Variants in ARIH1 observed in about 807,000 individuals in gnomAD.
ARIH1 encodes the protein E3 ubiquitin-protein ligase ARIH1.
ARIH1 carries 8 observed loss-of-function variants against 85.0 expected under a neutral mutation model. That is an observed-to-expected ratio of 0.09 (90% CI 0.06 to 0.17). The LOEUF (loss-of-function observed/expected upper bound fraction) is 0.17. ARIH1 is among the 10% of genes least tolerant of loss of function. ARIH1 has a pLI of 1.00. For missense variants in ARIH1, 311 were observed against 718.1 expected, an observed-to-expected ratio of 0.43 and a Z score of 6.48; for synonymous variants, 238 against 253.6, an observed-to-expected ratio of 0.94 and a Z score of 0.59.
At position 72,570,397 on chromosome 15, in the gene ARIH1, C is replaced by T. The variant is rs578147055; in HGVS notation, c.1157+90C>T. ...ATTTCTACCTCATAGATATCACCATCTAACTTGCAAGCTAAATAAATACAT... is the reference window on the plus strand; with the variant it reads ...ATTTCTACCTCATAGATATCACCATTTAACTTGCAAGCTAAATAAATACAT... On this transcript the variant is annotated intron_variant, in intron 10 of 13. Transcript: ENST00000379887. The T allele has an allele frequency of 2.0e-6, 3 of 1,497,158 alleles. No homozygotes were observed. The South Asian group carries it at 3.7e-5, about 19-fold the overall frequency. 92.7% of individuals were successfully genotyped at this position (1,497,158 alleles called of 1,614,324 possible). A position where few individuals can be genotyped will look rare whatever the true frequency, so the allele number is the denominator to read the frequency against.
At chr15:72,559,091 C>T (rs1363066042) in intron 5 of ARIH1, among the ~76,000 whole-genome samples, 1 of 152,084 alleles carries the variant, frequency 6.6e-6, no homozygotes, top group Non-Finnish European at 1.5e-5. Flanking sequence ...CCAAAATCTG[C>T]GCATGCTCAT....
At chr15:72,485,118 A>G (rs1314207399) in intron 1 of ARIH1, among the ~76,000 whole-genome samples, 1 of 152,160 alleles carries the variant, frequency 6.6e-6, no homozygotes, top group South Asian at 2.1e-4. Flanking sequence ...GATTATAGCC[A>G]TTCTTGGCGT....
At chr15:72,515,575 AT>A (rs2063971461) in intron 1 of ARIH1, among the ~76,000 whole-genome samples, 1 of 152,150 alleles carries the variant, frequency 6.6e-6, no homozygotes, top group Non-Finnish European at 1.5e-5. Context: ...AAAGTTTAAG[AT>A]TTGTTTTAGT....
At chr15:72,479,504 G>T (rs1345405675) in intron 1 of ARIH1, among the ~76,000 whole-genome samples, 1 of 152,024 alleles carries the variant, frequency 6.6e-6, no homozygotes, top group African/African-American at 2.4e-5. Context: ...TGCCTCCTGG[G>T]TTCAAGCGAT....
intron 1 of ARIH1, among the ~76,000 whole-genome samples, chr15:72,480,481 G>A (rs776693786): frequency 6.6e-6 from 1 of 150,874 alleles, no homozygotes; most frequent in Non-Finnish European, 1.5e-5. Flanking sequence ...GGCTGGTCTC[G>A]AACTCCTGAC....
rs79580042 is a variant in ARIH1 at position 72,567,992 on chromosome 15, C to T, written c.1026+815C>T. 6.8e-3 allele frequency among the ~76,000 whole-genome samples: 1,038 copies of T among 152,218 alleles called. 9 individuals are homozygous for T. Among genetic ancestry groups the T allele is most frequent in the African/African-American group, 0.023 (963 of 41,530 alleles). ...GAAGTGTGTAAACAATGAAGGCCGA[C>T]GCAGGTTGTCTGTGTGTGTTTAAAT... is the stretch of plus-strand genomic sequence containing the variant. On this transcript the variant is annotated intron_variant, in intron 9 of 13. Transcript: ENST00000379887.
At chr15:72,548,803 A>T (rs2064140685) in intron 3 of ARIH1, among the ~76,000 whole-genome samples, 1 of 152,106 alleles carries the variant, frequency 6.6e-6, no homozygotes, top group African/African-American at 2.4e-5. Context: ...CTTTTTTATT[A>T]TATATATCTT....
In ARIH1 at chr15:72,555,420, C is replaced by T. The variant is rs1430058734; in HGVS notation, c.681+57C>T. On this transcript the variant is annotated intron_variant, in intron 4 of 13. Coordinates refer to ENST00000379887, the MANE Select transcript of ARIH1 (RefSeq NM_005744.5). ...TTGAATTTCCTATAGTGTTAAGACCCTTGCACAAATTTGCACAAATAAAAA... is the reference window on the plus strand; with the variant it reads ...TTGAATTTCCTATAGTGTTAAGACCTTTGCACAAATTTGCACAAATAAAAA... 4 of 1,278,542 alleles carry T rather than the reference C, an allele frequency of 3.1e-6. No homozygotes were observed. In the East Asian group the frequency reaches 7.1e-5, roughly 23 times the overall value. 79.2% of individuals were successfully genotyped at this position (1,278,542 alleles called of 1,614,324 possible).
chr15:72,573,278 C>T (rs775119264), intron 11 of ARIH1, among the ~76,000 whole-genome samples: 4 of 152,068 alleles, frequency 2.6e-5, no homozygotes, highest in African/African-American at 9.7e-5. Context: ...CTGGGAAATA[C>T]GGCCGGGCTT....
At chr15:72,479,079 G>T (rs549797592) in intron 1 of ARIH1, among the ~76,000 whole-genome samples, 1 of 152,028 alleles carries the variant, frequency 6.6e-6, no homozygotes, top group South Asian at 2.1e-4. Context: ...GGCCTCAAGC[G>T]CTCCTTGAAC....
intron 3 of ARIH1, among the ~76,000 whole-genome samples, chr15:72,552,132 G>C (rs946301756): frequency 2.0e-5 from 3 of 151,788 alleles, no homozygotes; most frequent in African/African-American, 7.3e-5. Context: ...ACATTCATAA[G>C]ATCACAAAGA....
chr15:72,506,980 TTATG>T (rs72006883), intron 1 of ARIH1, among the ~76,000 whole-genome samples: 3,893 of 150,076 alleles, frequency 0.026, 100 homozygotes, highest in African/African-American at 0.068. Flanking sequence ...GTGATTATTT[TTATG>T]TATGTATGTA....
At chr15:72,551,270 T>A (rs2064151590) in intron 3 of ARIH1, among the ~76,000 whole-genome samples, 1 of 152,110 alleles carries the variant, frequency 6.6e-6, no homozygotes, top group Admixed American at 6.6e-5. Flanking sequence ...ACTTGAATAT[T>A]TGAGATAGAA....
chr15:72,524,344 C>T (rs143201086), intron 2 of ARIH1, among the ~76,000 whole-genome samples: 2 of 150,560 alleles, frequency 1.3e-5, no homozygotes, highest in African/African-American at 4.9e-5. Context: ...CCTCCCGGTT[C>T]AAGCGATTAC....
rs1465183161 is a variant in ARIH1 at position 72,533,084 on chromosome 15, A to C, written c.444-11736A>C. Reference sequence around the variant, plus strand: ...GATTCTAGCCAGTAGAACATCAAAAAATGAAAACAAAATACAGTGTTGTAA... The same window carrying C: ...GATTCTAGCCAGTAGAACATCAAAACATGAAAACAAAATACAGTGTTGTAA... On this transcript the variant is annotated intron_variant, in intron 2 of 13. Coordinates refer to ENST00000379887, the MANE Select transcript of ARIH1 (RefSeq NM_005744.5). Among the ~76,000 whole-genome samples, 6 of 152,216 alleles carry C rather than the reference A, an allele frequency of 3.9e-5. No homozygotes were observed. In the East Asian group the frequency reaches 1.2e-3, roughly 29 times the overall value.
At chr15:72,517,290 G>T (rs2063979278) in intron 1 of ARIH1, among the ~76,000 whole-genome samples, 1 of 152,120 alleles carries the variant, frequency 6.6e-6, no homozygotes, top group South Asian at 2.1e-4. Flanking sequence ...TTTTAAAAGA[G>T]ACTGGGTCTA....
intron 1 of ARIH1, among the ~76,000 whole-genome samples, chr15:72,489,890 A>G (rs1056131164): frequency 9.9e-5 from 15 of 152,232 alleles, no homozygotes; most frequent in African/African-American, 3.1e-4. Context: ...CAAAGCAACC[A>G]GTTGGTTTTT....
chr15:72,544,798 C>T (rs1183284334), intron 2 of ARIH1, 22 bp from the exon 3 acceptor site: 2 of 1,598,890 alleles, frequency 1.3e-6, no homozygotes, highest in African/African-American at 2.7e-5. Context: ...GGGCTCTTAT[C>T]CTTTCTGTTT....
intron 3 of ARIH1, among the ~76,000 whole-genome samples, chr15:72,547,081 TCA>T (rs1307152680): frequency 1.4e-5 from 2 of 145,694 alleles, no homozygotes; most frequent in Non-Finnish European, 3.0e-5. Flanking sequence ...GCGTCTGCCA[TCA>T]CGCCTGGCTG....
Sources: gnomAD v4.1 joint callset for allele counts (sites outside exome capture counted in the v4.1 genomes callset) on GRCh38, gnomAD v4.1.1 for gene constraint, MANE v1.5 for transcripts, NCBI Gene and HGNC (gene_info 2026-07-23, HGNC 2026-07-21) for gene names.